CPNE8: variants seen among roughly 807,000 people sequenced by gnomAD.
CPNE8 encodes the protein copine 8, also known as copine-8.
Under a neutral mutation model 81.5 loss-of-function variants are expected in CPNE8, and 45 were observed. That is an observed-to-expected ratio of 0.55 (90% confidence interval 0.44 to 0.71). CPNE8 has a LOEUF of 0.71. Among genes scored for constraint, CPNE8 ranks in the 30% least tolerant of loss-of-function variants. The probability of loss-of-function intolerance (pLI) is 0.00; values close to 1 mark genes in which losing one functional copy is unlikely to be tolerated. For missense variants in CPNE8, 594 were observed against 672.1 expected, an observed-to-expected ratio of 0.88 and a Z score of 1.28; for synonymous variants, 252 against 226.3, an observed-to-expected ratio of 1.11 and a Z score of -1.02.
At chr12:38,683,850 T>C (rs1205949858) in intron 16 of CPNE8, among the ~76,000 whole-genome samples, 2 of 152,114 alleles carry the variant, frequency 1.3e-5, no homozygotes, top group Admixed American at 1.3e-4. Flanking sequence ...TGCTCCTATA[T>C]TCAAGAACTT....
chr12:38,903,124 C>T lies in CPNE8; in HGVS notation c.98+2313G>A, dbSNP rs1285000970. On this transcript the variant is annotated intron_variant, in intron 1 of 19. Transcript: ENST00000331366. ...TTAATGTATTAAAAATAAATTTAAC[C>T]CACCTTTTCAGGAACTATTCCCAAA... Among the ~76,000 whole-genome samples the T allele has an allele frequency of 2.6e-5, 4 of 152,098 alleles. No individual in the cohort carries two copies. The East Asian group carries it at 5.8e-4, about 22-fold the overall frequency.
At chr12:38,672,777 G>A (rs1939204116) in intron 18 of CPNE8, among the ~76,000 whole-genome samples, 1 of 152,040 alleles carries the variant, frequency 6.6e-6, no homozygotes, top group Non-Finnish European at 1.5e-5. Flanking sequence ...TTTTAAAATG[G>A]TCTTATCAAA....
Position 38,826,966 on chromosome 12 carries a change from G to A in CPNE8, c.407+2413C>T, listed in dbSNP as rs566913675. Among the ~76,000 whole-genome samples the A allele has an allele frequency of 1.9e-3, 279 of 146,620 alleles. 1 individual carries two copies. Among genetic ancestry groups the A allele is most frequent in the African/African-American group, 6.7e-3 (265 of 39,424 alleles). On this transcript the variant is annotated intron_variant, in intron 6 of 19. Coordinates refer to ENST00000331366, the MANE Select transcript of CPNE8 (RefSeq NM_153634.3). ...GGGCAGATCACGAGGTCAGGAGTTC[G>A]AGACCAGCCTGACCAACATGCTGAA...
intron 10 of CPNE8, among the ~76,000 whole-genome samples, chr12:38,758,072 T>A (rs1043866205): frequency 6.6e-6 from 1 of 152,140 alleles, no homozygotes; most frequent in African/African-American, 2.4e-5. Flanking sequence ...TTAAATCTGA[T>A]GTCTCAAAAG....
intron 13 of CPNE8, among the ~76,000 whole-genome samples, chr12:38,713,048 T>C (rs181760184): frequency 0.013 from 1,967 of 145,938 alleles, 28 homozygotes; most frequent in South Asian, 0.042. Flanking sequence ...AAATAATCAT[T>C]GTTATTCATA....
intron 4 of CPNE8, among the ~76,000 whole-genome samples, chr12:38,845,036 TC>T (rs1054788310): frequency 6.6e-6 from 1 of 151,826 alleles, no homozygotes; most frequent in Non-Finnish European, 1.5e-5. Context: ...GGACCGATTT[TC>T]CCCATGGCAG....
chr12:38,734,031 C>G (rs537486797), intron 10 of CPNE8, among the ~76,000 whole-genome samples: 11 of 151,672 alleles, frequency 7.3e-5, no homozygotes, highest in African/African-American at 2.7e-4. Flanking sequence ...CTTTTTTGCT[C>G]TCAAAAACAT....
intron 19 of CPNE8, among the ~76,000 whole-genome samples, chr12:38,658,188 C>T (rs1007317420): frequency 9.9e-5 from 15 of 152,120 alleles, no homozygotes; most frequent in South Asian, 2.1e-4. Context: ...GAATAAACAG[C>T]GTAGAGAAGA....
intron 6 of CPNE8, among the ~76,000 whole-genome samples, chr12:38,795,086 G>C (rs1942425930): frequency 6.6e-6 from 1 of 152,108 alleles, no homozygotes; most frequent in African/African-American, 2.4e-5. Flanking sequence ...AATGGCTCTT[G>C]GGCCTTCAGC....
At chr12:38,832,806 G>C (rs1943310968) in intron 5 of CPNE8, among the ~76,000 whole-genome samples, 1 of 151,980 alleles carries the variant, frequency 6.6e-6, no homozygotes, top group African/African-American at 2.4e-5. Context: ...GCTAGGATTA[G>C]AGGCATAAAC....
intron 11 of CPNE8, among the ~76,000 whole-genome samples, chr12:38,725,946 A>T (rs561927865): frequency 6.6e-6 from 1 of 152,220 alleles, no homozygotes; most frequent in East Asian, 1.9e-4. Context: ...TTCCCCACAG[A>T]TGGGGGTGGG....
chr12:38,882,877 T>C (rs1592154030), intron 1 of CPNE8, among the ~76,000 whole-genome samples: 1 of 152,180 alleles, frequency 6.6e-6, no homozygotes, highest in African/African-American at 2.4e-5. Flanking sequence ...CTTAGACGTT[T>C]TACCCATAGC....
chr12:38,775,236 C>G (rs1941905822), intron 7 of CPNE8, among the ~76,000 whole-genome samples: 1 of 152,152 alleles, frequency 6.6e-6, no homozygotes, highest in South Asian at 2.1e-4. Context: ...ATCCTCCCAC[C>G]TTGGCCTCCC....
intron 13 of CPNE8, among the ~76,000 whole-genome samples, chr12:38,710,268 C>CAAAAAAAAAAAAAAAAAAAAAA (rs57376063): frequency 6.0e-5 from 3 of 50,282 alleles, no homozygotes; most frequent in Admixed American, 2.9e-4. Context: ...AATAAGCTAA[C>CAAAAAAAAAAAAAAAAAAAAAA]AAAAAAAAAA....
rs1555172192 is a variant in CPNE8, at chr12:38,902,421, G to GAA, written c.98+3014_98+3015dup. 6.4e-5 allele frequency among the ~76,000 whole-genome samples: 7 copies of GAA among 109,410 alleles called. No individual in the cohort carries two copies. In the East Asian group the frequency reaches 9.5e-4, roughly 15 times the overall value. The allele number at this position is 109,410 out of a possible 152,430, so 71.8% of individuals were successfully genotyped here. A position where few individuals can be genotyped will look rare whatever the true frequency, so the allele number is the denominator to read the frequency against. On this transcript the variant is annotated intron_variant, in intron 1 of 19. Transcript: ENST00000331366. ...AAAGAAAGAAAGAAAGAAAGAAAAA[G>GAA]AAAGAAAGAAAGAAAGGAGAGAGAG...
chr12:38,747,893 T>A (rs763023688), intron 10 of CPNE8, among the ~76,000 whole-genome samples: 4 of 152,186 alleles, frequency 2.6e-5, no homozygotes, highest in Non-Finnish European at 5.9e-5. Context: ...TAATTTACAT[T>A]TCTATTAGAC....
At chr12:38,798,584 C>A (rs1488284008) in intron 6 of CPNE8, among the ~76,000 whole-genome samples, 1 of 152,126 alleles carries the variant, frequency 6.6e-6, no homozygotes, top group Non-Finnish European at 1.5e-5. Flanking sequence ...GTACCAGCCA[C>A]TGCAAAAACA....
chr12:38,687,374 C>CTTTTTT (rs61259310), intron 15 of CPNE8, among the ~76,000 whole-genome samples: 92 of 58,682 alleles, frequency 1.6e-3, no homozygotes, highest in African/African-American at 3.3e-3. Flanking sequence ...CCAAGACTTT[C>CTTTTTT]TTTTTTTTTT....
chr12:38,663,378 C>A lies in CPNE8; in HGVS notation c.1506+7351G>T, dbSNP rs535408918. Among the ~76,000 whole-genome samples, 8 of 152,006 alleles carry A rather than the reference C, an allele frequency of 5.3e-5. No individual in the cohort carries two copies. In the South Asian group the frequency reaches 1.0e-3, roughly 20 times the overall value. On this transcript the variant is annotated intron_variant, in intron 19 of 19. Transcript: ENST00000331366. ...TAGATATTTCTCAAAAGAAGGCACACAAATGGCCAAAAATAAATGAGAAAA... is the reference window on the plus strand; with the variant it reads ...TAGATATTTCTCAAAAGAAGGCACAAAAATGGCCAAAAATAAATGAGAAAA...
Sources: gnomAD v4.1 joint callset for allele counts (sites outside exome capture counted in the v4.1 genomes callset) on GRCh38, gnomAD v4.1.1 for gene constraint, MANE v1.5 for transcripts, NCBI Gene and HGNC (gene_info 2026-07-23, HGNC 2026-07-21) for gene names.